Variants in SAXO5 observed in about 807,000 individuals in gnomAD.
SAXO5 encodes the protein testis expressed 45.
chr19:7,501,135 A>T, the SAXO5 span: 1 of 1,507,886 alleles, frequency 6.6e-7, no homozygotes, highest in Non-Finnish European at 8.8e-7. Context: ...GCGGGAACGC[A>T]CGCTCGCCAT....
chr19:7,499,807 T>TA, the SAXO5 span: 244 of 145,352 alleles, frequency 1.7e-3, 3 homozygotes, highest in African/African-American at 3.9e-3. Flanking sequence ...CCCCTGTCTC[T>TA]AAAAAAAAAA....
the SAXO5 span, chr19:7,504,028 C>A: frequency 1.1e-6 from 1 of 899,250 alleles, no homozygotes; most frequent in Non-Finnish European, 1.8e-6. Flanking sequence ...CTCCCCTTCC[C>A]AGGCAAGAAA....
At chr19:7,508,081 G>A in the SAXO5 span, 1 of 719,522 alleles carries the variant, frequency 1.4e-6, no homozygotes, top group Non-Finnish European at 2.3e-6. Context: ...GCTCCGCCCC[G>A]ACCAGCTAGC....
the SAXO5 span, chr19:7,504,386 A>C: frequency 1.2e-6 from 2 of 1,614,116 alleles, no homozygotes; most frequent in South Asian, 2.2e-5. Flanking sequence ...ACAGGCCTAC[A>C]GGCCCCAGGA....
chr19:7,506,563 A>G, the SAXO5 span: 2 of 346,964 alleles, frequency 5.8e-6, no homozygotes, highest in South Asian at 4.5e-5. Flanking sequence ...CTGACCCGCT[A>G]GCCTGCCCTG....
chr19:7,506,746 C>T, the SAXO5 span: 4 of 409,142 alleles, frequency 9.8e-6, no homozygotes, highest in East Asian at 2.1e-4. Context: ...CTCCCTCTTT[C>T]CCAGTTCCTC....
chr19:7,505,885 A>G, the SAXO5 span: 1 of 1,387,714 alleles, frequency 7.2e-7, no homozygotes, highest in Non-Finnish European at 9.9e-7. Context: ...AAGGTCACAC[A>G]GAGCCCACCT....
the SAXO5 span, among the ~76,000 whole-genome samples, chr19:7,498,393 C>CTTT: frequency 2.2e-4 from 25 of 115,354 alleles, no homozygotes; most frequent in South Asian, 5.6e-4. Context: ...GTATTTTTTT[C>CTTT]TTTTTTTTTT....
chr19:7,501,836 A>G, the SAXO5 span, among the ~76,000 whole-genome samples: 1 of 151,226 alleles, frequency 6.6e-6, no homozygotes, highest in African/African-American at 2.4e-5. Flanking sequence ...AAGGAAAGAA[A>G]GAAAGGAAGA....
chr19:7,506,908 C>G, the SAXO5 span: 1 of 622,036 alleles, frequency 1.6e-6, no homozygotes, highest in Admixed American at 2.6e-5. Context: ...GCTCCTCCCT[C>G]CCCCCTCTCC....
the SAXO5 span, chr19:7,507,111 G>A: frequency 7.4e-6 from 12 of 1,613,868 alleles, no homozygotes; most frequent in African/African-American, 8.0e-5. Flanking sequence ...GAACACCTCC[G>A]GCCCCGGTGA....
At chr19:7,503,837 C>T in the SAXO5 span, among the ~76,000 whole-genome samples, 2 of 152,122 alleles carry the variant, frequency 1.3e-5, no homozygotes, top group African/African-American at 4.8e-5. Context: ...ACTATGTTGC[C>T]CAAGCTGGTC....
the SAXO5 span, among the ~76,000 whole-genome samples, chr19:7,498,684 T>G: frequency 3.3e-5 from 5 of 152,246 alleles, 1 homozygote; most frequent in South Asian, 1.0e-3. Context: ...CCTGAGCCAC[T>G]GCACCCGTCT....
chr19:7,504,395 G>T, the SAXO5 span: 1 of 1,614,064 alleles, frequency 6.2e-7, no homozygotes. Context: ...CAGGCCCCAG[G>T]ATCTGCCTGA....
chr19:7,501,479 T>C, the SAXO5 span: 1 of 1,337,434 alleles, frequency 7.5e-7, no homozygotes, highest in Non-Finnish European at 9.7e-7. Context: ...TTCATTCCCC[T>C]TCCCCCAGGG....
At chr19:7,499,096 G>C in the SAXO5 span, among the ~76,000 whole-genome samples, 1 of 152,060 alleles carries the variant, frequency 6.6e-6, no homozygotes, top group Non-Finnish European at 1.5e-5. Context: ...CAGATCACTT[G>C]AGGTCAGGAG....
chr19:7,507,335 C>T, the SAXO5 span, among the ~76,000 whole-genome samples: 8 of 152,128 alleles, frequency 5.3e-5, no homozygotes, highest in Non-Finnish European at 1.0e-4. Flanking sequence ...GTAATCCCAG[C>T]GCTTTGGGAG....
chr19:7,508,340 C>T, the SAXO5 span: 1 of 1,613,950 alleles, frequency 6.2e-7, no homozygotes, highest in Non-Finnish European at 8.5e-7. Context: ...GCTTCGTGCC[C>T]CTGGGCACGC....
chr19:7,505,918 G>A, the SAXO5 span: 2 of 1,517,946 alleles, frequency 1.3e-6, no homozygotes, highest in Non-Finnish European at 1.8e-6. Flanking sequence ...CCGGGCCCGG[G>A]GACCTCTCGG....
Sources: allele counts gnomAD v4.1 joint callset (sites outside exome capture counted in the v4.1 genomes callset), GRCh38; gene constraint gnomAD v4.1.1; transcripts MANE v1.5; gene names NCBI Gene and HGNC (gene_info 2026-07-23, HGNC 2026-07-21).